EVA1C: variants seen among roughly 807,000 people sequenced by gnomAD.
The protein encoded by EVA1C is protein eva-1 homolog C.
A neutral mutation model predicts 45.4 loss-of-function variants in EVA1C; 25 were observed. That is an observed-to-expected ratio of 0.55 (90% CI 0.40 to 0.77). EVA1C has a LOEUF of 0.77. EVA1C is among the 30% of genes least tolerant of loss of function. The pLI is 0.00. For synonymous variants in EVA1C, 190 were observed against 221.2 expected (o/e 0.86, Z 1.25); for missense variants, 479 against 554.8 (o/e 0.86, Z 1.37).
chr21:32,467,751 T>C lies in EVA1C; in HGVS notation c.537T>C (p.His179=), dbSNP rs1188208911. 1.9e-6 allele frequency: 3 copies of C among 1,612,344 alleles called. No homozygotes were observed. The African/African-American group carries it at 4.0e-5, about 22-fold the overall frequency. The change falls in exon 4 of 8, where the codon CAT becomes CAC. Residue 179 remains histidine, a synonymous_variant. Coordinates refer to ENST00000300255, the MANE Select transcript of EVA1C (RefSeq NM_058187.5). ...ACCAGGAGCTGAAACTGCACTGCCA[T>C]GAATCCAAGTTCCTCAACATCTACT... ...CEDQELKLHC[H]ESKFLNIYSA... is the part of the protein sequence containing the mutation.
chr21:32,494,614 C>G (rs1476164933), intron 4 of EVA1C, among the ~76,000 whole-genome samples: 3 of 152,104 alleles, frequency 2.0e-5, no homozygotes, highest in African/African-American at 7.2e-5. Context: ...GAAACCCCAT[C>G]TCTACTAAAA....
rs1418680783 is a variant in EVA1C, at chr21:32,515,247, C to T, written c.*57C>T. The T allele has an allele frequency of 2.2e-5, 33 of 1,515,044 alleles. No homozygotes were observed. The highest frequency in any genetic ancestry group is 2.9e-5 in the Non-Finnish European group (33 of 1,126,486). The allele number at this position is 1,515,044 out of a possible 1,614,324, so 93.9% of individuals were successfully genotyped here. On this transcript the variant is annotated 3_prime_UTR_variant, in exon 8 of 8. Coordinates refer to ENST00000300255, the MANE Select transcript of EVA1C (RefSeq NM_058187.5). ...TCTGAAGAAGGAAGGATCCCAAATG[C>T]CCCTCCAGTTCTGGTTCACCTGTAC... is the stretch of plus-strand genomic sequence containing the variant.
intron 7 of EVA1C, among the ~76,000 whole-genome samples, chr21:32,514,235 T>A (rs1315589087): frequency 1.3e-5 from 2 of 152,212 alleles, no homozygotes; most frequent in Non-Finnish European, 2.9e-5. Flanking sequence ...ATTTACTTTT[T>A]AATCTGAAAA....
intron 3 of EVA1C, among the ~76,000 whole-genome samples, chr21:32,458,479 G>A (rs1601320258): frequency 7.2e-6 from 1 of 139,616 alleles, no homozygotes; most frequent in African/African-American, 2.6e-5. Context: ...GAGAAGTTAA[G>A]CACTTTTTTT....
At chr21:32,439,448 A>G (rs1400494280) in intron 1 of EVA1C, among the ~76,000 whole-genome samples, 1 of 152,110 alleles carries the variant, frequency 6.6e-6, no homozygotes, top group East Asian at 1.9e-4. Flanking sequence ...TACCGTGTGG[A>G]CGCCCGTATT....
intron 2 of EVA1C, among the ~76,000 whole-genome samples, chr21:32,454,688 T>C (rs1034990393): frequency 6.6e-6 from 1 of 152,028 alleles, no homozygotes; most frequent in Non-Finnish European, 1.5e-5. Flanking sequence ...GTCTGTTTGA[T>C]TTTGTCGACC....
chr21:32,412,558 C>G (rs1456039157), upstream of EVA1C: 4 of 318,786 alleles, frequency 1.3e-5, no homozygotes, highest in Non-Finnish European at 2.3e-5. Flanking sequence ...CTGCGCTTTC[C>G]CTACGGCCCC....
At chr21:32,417,117 C>A (rs767282315) in intron 1 of EVA1C, among the ~76,000 whole-genome samples, 18 of 152,240 alleles carry the variant, frequency 1.2e-4, no homozygotes, top group Non-Finnish European at 2.6e-4. Context: ...CAGGTGTGCA[C>A]CACCCCACCT....
rs2035280211 is a variant in EVA1C, at chr21:32,444,080, ACACACACACAC to A, written c.161-9231_161-9221del. On this transcript the variant is annotated intron_variant, in intron 1 of 7. Coordinates refer to ENST00000300255, the MANE Select transcript of EVA1C (RefSeq NM_058187.5). ...CACACACACACACACACACACACAC[ACACACACACAC>A]AAACTCAAAGTACTTTCTCTATTCT... Among the ~76,000 whole-genome samples, 7 of 121,252 alleles carry A rather than the reference ACACACACACAC, an allele frequency of 5.8e-5. 1 individual carries two copies. Among genetic ancestry groups the A allele is most frequent in the Admixed American group, 4.7e-4 (6 of 12,648 alleles). 79.5% of individuals were successfully genotyped at this position (121,252 alleles called of 152,430 possible). A position where few individuals can be genotyped will look rare whatever the true frequency, so the allele number is the denominator to read the frequency against.
At chr21:32,491,471 C>T (rs1327128983) in intron 4 of EVA1C, among the ~76,000 whole-genome samples, 1 of 151,544 alleles carries the variant, frequency 6.6e-6, no homozygotes, top group East Asian at 1.9e-4. Context: ...GGTGGATCAC[C>T]GGGGGTCAGG....
chr21:32,439,133 G>A (rs535831746), intron 1 of EVA1C, among the ~76,000 whole-genome samples: 11 of 151,738 alleles, frequency 7.2e-5, no homozygotes, highest in African/African-American at 2.2e-4. Context: ...CCAGCTACTC[G>A]GGAGGCCAAG....
intron 5 of EVA1C, 28 bp downstream of exon 5, chr21:32,495,198 T>C (rs2037307923): frequency 6.2e-7 from 1 of 1,609,182 alleles, no homozygotes; most frequent in Non-Finnish European, 8.5e-7. Flanking sequence ...ACCAGCTGCC[T>C]GATGACACTG....
At chr21:32,482,222 G>T (rs1416704404) in intron 4 of EVA1C, among the ~76,000 whole-genome samples, 1 of 152,136 alleles carries the variant, frequency 6.6e-6, no homozygotes, top group Non-Finnish European at 1.5e-5. Flanking sequence ...TGGTCTTCCG[G>T]GACCTTAAAC....
chr21:32,480,040 A>G (rs909247300), intron 4 of EVA1C, among the ~76,000 whole-genome samples: 2 of 152,174 alleles, frequency 1.3e-5, no homozygotes, highest in African/African-American at 2.4e-5. Context: ...TAACAAAGCA[A>G]CCTACTTCCA....
At chr21:32,421,661 T>C (rs1458812999) in intron 1 of EVA1C, among the ~76,000 whole-genome samples, 1 of 152,202 alleles carries the variant, frequency 6.6e-6, no homozygotes, top group African/African-American at 2.4e-5. Flanking sequence ...TTCCTATAGC[T>C]AAAATGCTGC....
chr21:32,470,088 C>G (rs531125851), intron 4 of EVA1C, among the ~76,000 whole-genome samples: 1 of 152,262 alleles, frequency 6.6e-6, no homozygotes, highest in African/African-American at 2.4e-5. Context: ...GCTTATTGAT[C>G]AAAATCTAAA....
At chr21:32,437,697 C>A (rs138395786) in intron 1 of EVA1C, among the ~76,000 whole-genome samples, 1 of 152,196 alleles carries the variant, frequency 6.6e-6, no homozygotes, top group African/African-American at 2.4e-5. Flanking sequence ...TCACCTCCCA[C>A]CTGGAAGCCT....
At chr21:32,496,003 A>G (rs1260175728) in intron 5 of EVA1C, among the ~76,000 whole-genome samples, 1 of 152,212 alleles carries the variant, frequency 6.6e-6, no homozygotes, top group African/African-American at 2.4e-5. Context: ...TAATCCACAG[A>G]GCATACAATT....
intron 4 of EVA1C, among the ~76,000 whole-genome samples, chr21:32,480,721 G>A (rs2036749326): frequency 6.6e-6 from 1 of 152,118 alleles, no homozygotes; most frequent in African/African-American, 2.4e-5. Flanking sequence ...CCAGCACTTT[G>A]GGAAGCCAAG....
Sources: gnomAD v4.1 joint callset for allele counts (sites outside exome capture counted in the v4.1 genomes callset) on GRCh38, gnomAD v4.1.1 for gene constraint, MANE v1.5 for transcripts, NCBI Gene and HGNC (gene_info 2026-07-23, HGNC 2026-07-21) for gene names.